The following ERN2 variants were observed in gnomAD, a reference collection of about 807,000 sequenced individuals.
ERN2 encodes the protein serine/threonine-protein kinase/endoribonuclease IRE2.
A neutral mutation model predicts 107.9 loss-of-function variants in ERN2; 111 were observed. That is an observed-to-expected ratio of 1.03 (90% confidence interval 0.88 to 1.20). The LOEUF is 1.20. ERN2 is among the 50% of genes most tolerant of loss of function. The pLI, the probability that ERN2 is intolerant of heterozygous loss-of-function variation, is 0.00. For synonymous variants in ERN2, 524 were observed against 501.7 expected (o/e 1.04, Z -0.59); for missense variants, 1,225 against 1,197.9 (o/e 1.02, Z -0.33).
intron 1 of ERN2, 88 bp from the exon 2 acceptor site, chr16:23,711,106 C>T (rs555298760): frequency 5.1e-5 from 42 of 830,850 alleles, no homozygotes; most frequent in Non-Finnish European, 8.1e-5. Context: ...CCATGACTCC[C>T]CTTCCCCCAG....
At chr16:23,705,176 G>A (rs1960253007) in intron 7 of ERN2, 29 bp from the exon 8 acceptor site, 1 of 1,606,926 alleles carries the variant, frequency 6.2e-7, no homozygotes, top group Admixed American at 1.7e-5. Context: ...GGGGAGATGT[G>A]GTTGGAAGCT....
At chr16:23,698,460 T>G (rs758984862) in intron 13 of ERN2, among the ~76,000 whole-genome samples, 1 of 152,236 alleles carries the variant, frequency 6.6e-6, no homozygotes, top group African/African-American at 2.4e-5. Context: ...ATGTTATCCC[T>G]GGTTCAGGCT....
chr16:23,691,499 G>A, intron 19 of ERN2, 74 bp from the exon 20 acceptor site: 1 of 1,535,860 alleles, frequency 6.5e-7, no homozygotes, highest in Non-Finnish European at 8.8e-7. Flanking sequence ...TTGTCTTACA[G>A]GAGTAGTTTA....
intron 2 of ERN2, 88 bp from the exon 3 acceptor site, chr16:23,710,637 T>TCACA: frequency 1.4e-6 from 2 of 1,433,450 alleles, no homozygotes; most frequent in Non-Finnish European, 2.0e-6. Flanking sequence ...ATGGCATGAC[T>TCACA]GTGATGTCAA....
chr16:23,698,030 C>A (rs1382798315), intron 13 of ERN2, among the ~76,000 whole-genome samples: 4 of 152,116 alleles, frequency 2.6e-5, no homozygotes, highest in Admixed American at 6.6e-5. Context: ...CTAAAGTAAT[C>A]AAAAATCTCG....
intron 1 of ERN2, 63 bp from the exon 2 acceptor site, chr16:23,711,081 C>A: frequency 8.7e-7 from 1 of 1,150,650 alleles, no homozygotes; most frequent in Non-Finnish European, 1.3e-6. Context: ...TTGCTCCTGT[C>A]CCAAGCAGGG....
intron 12 of ERN2, 116 bp from the exon 13 acceptor site, chr16:23,700,820 G>T (rs930585655): frequency 1.4e-6 from 2 of 1,465,118 alleles, no homozygotes; most frequent in South Asian, 1.3e-5. Context: ...GAGCAAGATC[G>T]CAGGGGCCTG....
Position 23,703,192 on chromosome 16 carries a change from AGT to A in ERN2, c.855-492_855-491del, listed in dbSNP as rs369361987. 5.7e-3 allele frequency among the ~76,000 whole-genome samples: 862 copies of A among 152,342 alleles called. 10 individuals are homozygous for A. The highest frequency in any genetic ancestry group is 0.02 in the African/African-American group (823 of 41,568). ...TAAAGCTAGCTGATACATGTTCCAT[AGT>A]CATGATTTCAAATCTATGTCTAACC... On this transcript the variant is annotated intron_variant, in intron 8 of 21. Coordinates refer to ENST00000256797, the MANE Select transcript of ERN2 (RefSeq NM_033266.4).
At chr16:23,691,547 A>C in intron 19 of ERN2, 122 bp from the exon 20 acceptor site, 1 of 1,195,162 alleles carries the variant, frequency 8.4e-7, no homozygotes, top group Non-Finnish European at 1.2e-6. Flanking sequence ...GGGGGCGTGA[A>C]GCTTCTCTGT....
intron 7 of ERN2, among the ~76,000 whole-genome samples, chr16:23,705,676 G>T (rs1960276047): frequency 6.6e-6 from 1 of 152,174 alleles, no homozygotes; most frequent in Admixed American, 6.5e-5. Flanking sequence ...ACTTTGGGAA[G>T]CCAAGACAGG....
In ERN2 at chr16:23,691,344, G is replaced by A. The variant is rs763156595; in HGVS notation, c.2458C>T (p.Arg820Trp). The A allele has an allele frequency of 8.7e-6, 14 of 1,606,266 alleles. No homozygotes were observed. The highest frequency in any genetic ancestry group is 3.3e-5 in the Admixed American group (2 of 59,982). The change falls in exon 20 of 22, where the codon CGG (arginine) becomes TGG (tryptophan). Residue 820 changes from arginine to tryptophan, a missense_variant. Physicochemically the swap from Arg to Trp is moderately radical, Grantham distance 101 (BLOSUM62 -3). Transcript: ENST00000256797. ...ALEAGGCAVV[R>W]DNWHEHISMP... The stretch of plus-strand genomic sequence containing the variant: ...GAGATGTGCTCGTGCCAGTTGTCCC[G>A]GACCACTGCGCAGCCTCCCGCCTCC...
Position 23,706,870 on chromosome 16 carries a change from G to C in ERN2, c.380-9C>G, listed in dbSNP as rs1960336825. 2 of 1,608,878 alleles carry C rather than the reference G, an allele frequency of 1.2e-6. No individual in the cohort carries two copies. The highest frequency in any genetic ancestry group is 1.1e-5 in the South Asian group (1 of 90,926). Reference sequence around the variant, plus strand: ...GGCATCCTGCTTCCGGCCTGTGGAGGTGGAAAGTGTGTTAGCTCTCAAGTT... The same window carrying C: ...GGCATCCTGCTTCCGGCCTGTGGAGCTGGAAAGTGTGTTAGCTCTCAAGTT... On this transcript the variant is annotated splice_polypyrimidine_tract_variant and intron_variant, in intron 5 of 21. Transcript: ENST00000256797.
intron 8 of ERN2, among the ~76,000 whole-genome samples, chr16:23,703,686 A>G (rs1362619838): frequency 6.6e-6 from 1 of 152,194 alleles, no homozygotes; most frequent in Non-Finnish European, 1.5e-5. Flanking sequence ...CTTAGCTTAT[A>G]ATCTCAGGCT....
chr16:23,704,792 T>C, intron 8 of ERN2, 91 bp downstream of exon 8: 1 of 1,359,858 alleles, frequency 7.4e-7, no homozygotes, highest in Non-Finnish European at 1.0e-6. Flanking sequence ...GGTACTGGTG[T>C]GTCACAGCTG....
Position 23,712,861 on chromosome 16 carries a change from A to G in ERN2, c.93+234T>C, listed in dbSNP as rs1005758958. 4 of 520,370 alleles carry G rather than the reference A, an allele frequency of 7.7e-6. No homozygotes were observed. In the Admixed American group the frequency reaches 1.2e-4, roughly 16 times the overall value. 32.2% of individuals were successfully genotyped at this position (520,370 alleles called of 1,614,324 possible). A position where few individuals can be genotyped will look rare whatever the true frequency, so the allele number is the denominator to read the frequency against. ...GCTGAAGAGGCGGGGTGCTCTGTCT[A>G]CTCTTGCCTTTCCACGCTGGCAGAT... On this transcript the variant is annotated intron_variant, in intron 1 of 21. Coordinates refer to ENST00000256797, the MANE Select transcript of ERN2 (RefSeq NM_033266.4).
chr16:23,701,146 C>G, intron 11 of ERN2, 32 bp from the exon 12 acceptor site: 1 of 1,599,998 alleles, frequency 6.3e-7, no homozygotes. Context: ...CTTTTAGCAC[C>G]CCCTTCCACC....
chr16:23,708,119 G>A (rs1960398063), intron 4 of ERN2, among the ~76,000 whole-genome samples: 1 of 152,086 alleles, frequency 6.6e-6, no homozygotes, highest in Admixed American at 6.6e-5. Context: ...GGTGCTCTCG[G>A]GACAGCTCTC....
At position 23,695,947 on chromosome 16, in the gene ERN2, G is replaced by A. The variant is rs377291687; in HGVS notation, c.1557C>T (p.Ser519=). Residue 519 remains serine (S), a synonymous_variant, in exon 14 of 22, where the codon TCC becomes TCT. Transcript: ENST00000256797. ...GGCCCAGCACGTCCTTGGGATTGAA[G>A]GAAATCTTCCCCACTACGGTGAGTT... ...AEQLTVVGKI[S]FNPKDVLGRG... is the part of the protein sequence containing the mutation. 9 of 1,614,070 alleles carry A rather than the reference G, an allele frequency of 5.6e-6. No individual in the cohort carries two copies. The highest frequency in any genetic ancestry group is 6.8e-6 in the Non-Finnish European group (8 of 1,180,012).
At chr16:23,692,454 T>G (rs1959639887) in intron 17 of ERN2, 123 bp from the exon 18 acceptor site, 10 of 961,142 alleles carry the variant, frequency 1.0e-5, no homozygotes, top group South Asian at 1.6e-5. Context: ...TCAAGATGCT[T>G]CCTGGGCAGC....
Sources: allele counts gnomAD v4.1 joint callset (sites outside exome capture counted in the v4.1 genomes callset), GRCh38; gene constraint gnomAD v4.1.1; transcripts MANE v1.5; gene names NCBI Gene and HGNC (gene_info 2026-07-23, HGNC 2026-07-21).